Variants in TMEM272 observed in about 807,000 individuals in gnomAD.
TMEM272 encodes the protein long intergenic non-protein coding RNA 282.
Under a neutral mutation model 3.7 loss-of-function variants are expected in TMEM272, and 8 were observed. That is an observed-to-expected ratio of 2.17 (90% CI 1.27 to 3.91). The LOEUF is 3.91. Ranked by LOEUF, TMEM272 falls within the 30% of genes most tolerant of loss-of-function variation. The pLI is 0.00. For synonymous variants in TMEM272, 63 were observed against 39.8 expected (o/e 1.58, Z -2.20); for missense variants, 166 against 91.5 (o/e 1.81, Z -3.32).
upstream of TMEM272, among the ~76,000 whole-genome samples, chr13:51,848,944 A>G (rs531486001): frequency 1.4e-4 from 21 of 152,246 alleles, no homozygotes; most frequent in African/African-American, 4.8e-4. Context: ...TCACTCTTCT[A>G]TTTGAGTCAC....
chr13:51,876,837 C>T, the TMEM272 span, among the ~76,000 whole-genome samples: 1 of 152,152 alleles, frequency 6.6e-6, no homozygotes, highest in Non-Finnish European at 1.5e-5. Flanking sequence ...ACAGACAATC[C>T]TTTGTTTGAA....
the TMEM272 span, among the ~76,000 whole-genome samples, chr13:51,878,949 G>C: frequency 6.6e-6 from 1 of 152,194 alleles, no homozygotes; most frequent in African/African-American, 2.4e-5. Context: ...AGGTTGATTT[G>C]TATTTACACA....
At chr13:51,866,089 C>A in the TMEM272 span, 1 of 1,559,656 alleles carries the variant, frequency 6.4e-7, no homozygotes, top group Non-Finnish European at 8.7e-7. Context: ...AGCCAGCATG[C>A]AGGTGCAGGG....
intron 2 of TMEM272, among the ~76,000 whole-genome samples, chr13:51,837,870 C>T (rs1007355844): frequency 6.6e-6 from 1 of 152,246 alleles, no homozygotes; most frequent in Non-Finnish European, 1.5e-5. Context: ...AGATGAGTTG[C>T]TTAAGGCTTC....
At chr13:51,889,733 C>CT in the TMEM272 span, among the ~76,000 whole-genome samples, 2 of 152,140 alleles carry the variant, frequency 1.3e-5, no homozygotes, top group Non-Finnish European at 2.9e-5. Context: ...CCTCCGCCTC[C>CT]TGGGTTCAAG....
chr13:51,818,276 T>A (rs151125795), intron 4 of TMEM272, among the ~76,000 whole-genome samples: 76 of 152,132 alleles, frequency 5.0e-4, no homozygotes, highest in African/African-American at 1.7e-3. Flanking sequence ...CTCCAAACTG[T>A]AAAGAGAAGC....
Position 51,814,961 on chromosome 13 carries a change from G to A in TMEM272, c.*1790C>T, listed in dbSNP as rs544909617. ...AGGCTTTCATGTGGGAGTCATGCAGGTGTCCCTGGGCCCAGGTCTTTGCTG... is the reference window on the plus strand; with the variant it reads ...AGGCTTTCATGTGGGAGTCATGCAGATGTCCCTGGGCCCAGGTCTTTGCTG... On this transcript the variant is annotated 3_prime_UTR_variant, in exon 5 of 5. Coordinates refer to ENST00000629372, the MANE Select transcript of TMEM272 (RefSeq NM_001351003.2). The A allele has an allele frequency of 6.5e-6, 1 of 152,858 alleles. No individual in the cohort carries two copies. The highest frequency in any genetic ancestry group is 1.9e-4 in the East Asian group (1 of 5,180). 9.5% of individuals were successfully genotyped at this position (152,858 alleles called of 1,614,324 possible).
the TMEM272 span, among the ~76,000 whole-genome samples, chr13:51,889,281 A>G: frequency 6.6e-6 from 1 of 152,194 alleles, no homozygotes; most frequent in Non-Finnish European, 1.5e-5. Context: ...TATGGAATGA[A>G]TTGTGTCCTT....
the TMEM272 span, among the ~76,000 whole-genome samples, chr13:51,924,207 A>T: frequency 6.6e-6 from 1 of 152,090 alleles, no homozygotes; most frequent in Non-Finnish European, 1.5e-5. Flanking sequence ...CCCTATTCAG[A>T]TGTCCTTTGG....
At chr13:51,890,994 A>G in the TMEM272 span, among the ~76,000 whole-genome samples, 7 of 152,338 alleles carry the variant, frequency 4.6e-5, no homozygotes, top group South Asian at 1.4e-3. Flanking sequence ...TTGGGTGAAC[A>G]TGAGGGCCCA....
the TMEM272 span, among the ~76,000 whole-genome samples, chr13:51,894,700 T>G: frequency 1.9e-4 from 29 of 152,134 alleles, no homozygotes; most frequent in Non-Finnish European, 3.1e-4. Flanking sequence ...CCCAACGTTT[T>G]TGGCACCAGG....
At chr13:51,865,540 G>T in the TMEM272 span, 1 of 1,614,252 alleles carries the variant, frequency 6.2e-7, no homozygotes, top group South Asian at 1.1e-5. Flanking sequence ...TTCGCGAAGA[G>T]ATGAAAATTT....
the TMEM272 span, among the ~76,000 whole-genome samples, chr13:51,868,392 C>T: frequency 6.6e-6 from 1 of 152,096 alleles, no homozygotes; most frequent in Admixed American, 6.5e-5. Context: ...CAAAGATGCA[C>T]AGAGATGAAT....
At chr13:51,844,218 A>G (rs1956285420) in intron 1 of TMEM272, among the ~76,000 whole-genome samples, 3 of 152,204 alleles carry the variant, frequency 2.0e-5, no homozygotes, top group Non-Finnish European at 4.4e-5. Flanking sequence ...ATATGTATAT[A>G]TATGTGTGTA....
At chr13:51,879,900 G>A in the TMEM272 span, among the ~76,000 whole-genome samples, 1 of 152,198 alleles carries the variant, frequency 6.6e-6, no homozygotes, top group Non-Finnish European at 1.5e-5. Context: ...GGGCTTTCTA[G>A]AGAATAAAAG....
At chr13:51,877,969 G>A in the TMEM272 span, among the ~76,000 whole-genome samples, 945 of 152,216 alleles carry the variant, frequency 6.2e-3, 13 homozygotes, top group African/African-American at 0.021. Context: ...GAAGAAATAC[G>A]TGAGACTGGA....
chr13:51,817,350 A>G (rs775989419), intron 4 of TMEM272, among the ~76,000 whole-genome samples: 3 of 152,238 alleles, frequency 2.0e-5, no homozygotes, highest in Non-Finnish European at 4.4e-5. Flanking sequence ...CATCGCCAGC[A>G]TCCTCAGTGG....
chr13:51,833,010 T>A lies in TMEM272; in HGVS notation c.58+5463A>T, dbSNP rs1382027910. Among the ~76,000 whole-genome samples the A allele has an allele frequency of 1.3e-5, 2 of 151,604 alleles. 1 individual carries two copies. The highest frequency in any genetic ancestry group is 1.3e-4 in the Admixed American group (2 of 15,222). Reference sequence around the variant, plus strand: ...TGAGGAAGCCTGGAGGAGGAAAGAGTCCCCAGGAAATCAAGGAAGGCCTCA... The same window carrying A: ...TGAGGAAGCCTGGAGGAGGAAAGAGACCCCAGGAAATCAAGGAAGGCCTCA... On this transcript the variant is annotated intron_variant, in intron 2 of 4. Transcript: ENST00000629372.
At chr13:51,871,098 C>A in the TMEM272 span, among the ~76,000 whole-genome samples, 1 of 152,244 alleles carries the variant, frequency 6.6e-6, no homozygotes, top group African/African-American at 2.4e-5. Flanking sequence ...TGATTCTCCC[C>A]CTCTGGTATG....
Sources: allele counts gnomAD v4.1 joint callset (sites outside exome capture counted in the v4.1 genomes callset), GRCh38; gene constraint gnomAD v4.1.1; transcripts MANE v1.5; gene names NCBI Gene and HGNC (gene_info 2026-07-23, HGNC 2026-07-21).